FAM193B: variants seen among roughly 807,000 people sequenced by gnomAD.
FAM193B encodes family with sequence similarity 193 member B, also known as protein FAM193B.
In FAM193B, 27 loss-of-function variants were observed where a neutral mutation model predicts 70.7. That is an observed-to-expected ratio of 0.38 (90% CI 0.28 to 0.53). The LOEUF (loss-of-function observed/expected upper bound fraction) is 0.53. FAM193B is among the 20% of genes least tolerant of loss of function. The pLI, the probability that FAM193B is intolerant of heterozygous loss-of-function variation, is 0.81. For synonymous variants in FAM193B, 448 were observed against 436.0 expected, an observed-to-expected ratio of 1.03 and a Z score of -0.34; for missense variants, 1,022 against 1,072.5, an observed-to-expected ratio of 0.95 and a Z score of 0.66.
At chr5:177,526,328 G>C (rs1411861099) in intron 5 of FAM193B, among the ~76,000 whole-genome samples, 5 of 152,222 alleles carry the variant, frequency 3.3e-5, no homozygotes, top group Non-Finnish European at 7.3e-5. Context: ...GAGGACAGCT[G>C]AGAGTCTGTG....
Position 177,538,067 on chromosome 5 carries a change from C to T in FAM193B, c.494G>A (p.Gly165Glu), listed in dbSNP as rs772554181. ...SHTSCKSQSC[G>E]DDSHSSSSSS... ...AGACGAGGACGAATGAGAGTCATCTCCACAAGACTGTGATTTGCAGGATGT... is the reference window on the plus strand; with the variant it reads ...AGACGAGGACGAATGAGAGTCATCTTCACAAGACTGTGATTTGCAGGATGT... Residue 165 changes from glycine to glutamate, a missense_variant, in exon 3 of 9, where the codon GGA becomes GAA. Transcript: ENST00000514747. The surrounding 1 kb of genome is among the most constrained non-coding windows in gnomAD (Gnocchi z 4.1). 16 of 1,550,986 alleles carry T rather than the reference C, an allele frequency of 1.0e-5. No individual in the cohort carries two copies. In the South Asian group the frequency reaches 1.9e-4, roughly 18 times the overall value.
chr5:177,535,325 G>A (rs1268100441), intron 4 of FAM193B, among the ~76,000 whole-genome samples: 3 of 152,226 alleles, frequency 2.0e-5, no homozygotes, highest in Admixed American at 6.5e-5. Context: ...AGTGAAAACC[G>A]GCGGGTGGCA....
At position 177,538,912 on chromosome 5, in the gene FAM193B, G is replaced by A. The variant is rs370495867; in HGVS notation, c.446C>T (p.Ala149Val). The A allele has an allele frequency of 1.9e-6, 3 of 1,613,976 alleles. No homozygotes were observed. Among genetic ancestry groups the A allele is most frequent in the Non-Finnish European group, 2.5e-6 (3 of 1,179,846 alleles). Residue 149 changes from alanine to valine, a missense_variant, in exon 2 of 9, where the codon GCA becomes GTA. By Grantham distance (64) the Ala-to-Val change is moderately conservative. Coordinates refer to ENST00000514747, the MANE Select transcript of FAM193B (RefSeq NM_001190946.3). This position sits in a 1 kb window ranked among gnomAD's most constrained non-coding sequence, Gnocchi z 4.1. ...CTGTCAGCGGTTACCTACCGCCACT[G>A]CATGTTCTCGACCTGTCTGCCTTTC... ...EDERQTGREH[A>V]VAISLSHTSC...
intron 8 of FAM193B, among the ~76,000 whole-genome samples, chr5:177,521,433 G>A (rs1217497302): frequency 2.0e-5 from 3 of 152,224 alleles, no homozygotes; most frequent in Non-Finnish European, 4.4e-5. Context: ...TATCCTCATG[G>A]AGCTTGCCCT....
chr5:177,554,154 G>A, intron 1 of FAM193B, 95 bp downstream of exon 1: 2 of 1,448,610 alleles, frequency 1.4e-6, no homozygotes, highest in East Asian at 3.0e-5. Context: ...CCCAGCCGCG[G>A]CAGGATGGCC....
Position 177,536,398 on chromosome 5 carries a change from G to C in FAM193B, c.1036C>G (p.Leu346Val), listed in dbSNP as rs1170143347. Residue 346 changes from leucine to valine, a missense_variant, in exon 4 of 9, where the codon CTC (leucine) becomes GTC (valine). By Grantham distance (32) the Leu-to-Val change is conservative. Transcript: ENST00000514747. ...HCGGHCSGPL[L>V]PPPSSQPLPS... ...AGTGGCTGAGAGCTCGGGGGTGGGA[G>C]GAGAGGCCCACTGCAGTGCCCACCA... The C allele has an allele frequency of 2.5e-6, 4 of 1,609,270 alleles. No individual in the cohort carries two copies. In the African/African-American group the frequency reaches 5.3e-5, roughly 22 times the overall value.
At position 177,524,389 on chromosome 5, in the gene FAM193B, GCCGGCTCCC is replaced by G. The variant is rs368000880; in HGVS notation, c.2083_2091del (p.Gly695_Arg697del). Reference sequence around the variant, plus strand: ...GGACTGCCAGCCCAACCTGGTCCTGGCCGGCTCCCCCGGCTCCCCTCTCCAGCCTCAGCA... The same window carrying G: ...GGACTGCCAGCCCAACCTGGTCCTGGCCGGCTCCCCTCTCCAGCCTCAGCA... On this transcript the variant is annotated inframe_deletion, in exon 6 of 9. Coordinates refer to ENST00000514747, the MANE Select transcript of FAM193B (RefSeq NM_001190946.3). 3.4e-5 allele frequency: 53 copies of G among 1,573,824 alleles called. No individual in the cohort carries two copies. In the African/African-American group the frequency reaches 6.1e-4, roughly 18 times the overall value.
chr5:177,524,762 G>A lies in FAM193B; in HGVS notation c.1719C>T (p.Pro573=). 3 of 1,531,182 alleles carry A rather than the reference G, an allele frequency of 2.0e-6. No homozygotes were observed. The South Asian group carries it at 3.9e-5, about 20-fold the overall frequency. The allele number at this position is 1,531,182 out of a possible 1,614,324, so 94.8% of individuals were successfully genotyped here. Reference sequence around the variant, plus strand: ...CGTTCTCGGGGACGATACCGGGAGGGGGCCCCCTCACCTCTGTCCATGGTG... The same window carrying A: ...CGTTCTCGGGGACGATACCGGGAGGAGGCCCCCTCACCTCTGTCCATGGTG... ...PHPPWTEVRG[P]PPGIVPENGL... Residue 573 remains proline (P), a synonymous_variant, in exon 6 of 9, where the codon CCC becomes CCT. Transcript: ENST00000514747.
intron 1 of FAM193B, 56 bp downstream of exon 1, chr5:177,554,193 C>T (rs764442118): frequency 1.4e-6 from 2 of 1,480,202 alleles, no homozygotes; most frequent in African/African-American, 2.9e-5. Context: ...ACTCCCGCTC[C>T]CGCTCGGGGA....
chr5:177,534,248 G>T lies in FAM193B; in HGVS notation c.1077-1607C>A, dbSNP rs371438879. Reference sequence around the variant, plus strand: ...TTATCAGTGGTGCTTACAGAAGTTTGTTCTAAACCAACCATTCATTATCTA... The same window carrying T: ...TTATCAGTGGTGCTTACAGAAGTTTTTTCTAAACCAACCATTCATTATCTA... On this transcript the variant is annotated intron_variant, in intron 4 of 8. Transcript: ENST00000514747. Among the ~76,000 whole-genome samples, 29 of 151,080 alleles carry T rather than the reference G, an allele frequency of 1.9e-4. No individual in the cohort carries two copies. The East Asian group carries it at 4.3e-3, about 22-fold the overall frequency.
intron 1 of FAM193B, among the ~76,000 whole-genome samples, chr5:177,552,973 G>A (rs564487532): frequency 2.0e-5 from 3 of 152,276 alleles, no homozygotes; most frequent in African/African-American, 7.2e-5. Flanking sequence ...GAGAAAGATG[G>A]CATAGCCTGT....
intron 1 of FAM193B, among the ~76,000 whole-genome samples, chr5:177,547,517 C>A (rs928003549): frequency 2.0e-5 from 3 of 151,306 alleles, no homozygotes; most frequent in Non-Finnish European, 1.5e-5. Flanking sequence ...ATCTCCTGAC[C>A]TCGTGATCCT....
rs892752804 is a variant in FAM193B, at chr5:177,554,487, A to ACACGC, written c.-34_-30dup. ...GCCGCTCGCGCCGCTCCCTCGCTCC[A>ACACGC]CACGCCGCCGCCGCCGCCGCCGCCG... On this transcript the variant is annotated 5_prime_UTR_variant, in exon 1 of 9. Coordinates refer to ENST00000514747, the MANE Select transcript of FAM193B (RefSeq NM_001190946.3). 1.7e-6 allele frequency: 1 copy of ACACGC among 580,772 alleles called. No individual in the cohort carries two copies. The highest frequency in any genetic ancestry group is 7.8e-5 in the African/African-American group (1 of 12,752). The allele number at this position is 580,772 out of a possible 1,614,324, so 36.0% of individuals were successfully genotyped here. A position where few individuals can be genotyped will look rare whatever the true frequency, so the allele number is the denominator to read the frequency against.
At chr5:177,548,123 C>A (rs1765699011) in intron 1 of FAM193B, among the ~76,000 whole-genome samples, 2 of 152,168 alleles carry the variant, frequency 1.3e-5, no homozygotes, top group African/African-American at 4.8e-5. Flanking sequence ...TAGGCTCGAT[C>A]TGGGTGTTAC....
At chr5:177,552,724 C>T (rs1766439142) in intron 1 of FAM193B, among the ~76,000 whole-genome samples, 2 of 152,166 alleles carry the variant, frequency 1.3e-5, no homozygotes, top group Admixed American at 6.5e-5. Flanking sequence ...GAGTCTCCTA[C>T]GGAAGTGTCA....
intron 5 of FAM193B, among the ~76,000 whole-genome samples, chr5:177,530,093 C>T (rs1376610311): frequency 1.3e-5 from 2 of 152,128 alleles, no homozygotes; most frequent in Non-Finnish European, 2.9e-5. Flanking sequence ...TGTCACTGTG[C>T]AGATGCAGTT....
At chr5:177,529,576 T>C (rs1763145550) in intron 5 of FAM193B, among the ~76,000 whole-genome samples, 1 of 151,888 alleles carries the variant, frequency 6.6e-6, no homozygotes, top group Non-Finnish European at 1.5e-5. Context: ...CCTCCAGATA[T>C]ATGAGGTAGG....
intron 1 of FAM193B, among the ~76,000 whole-genome samples, chr5:177,544,530 T>C (rs1052143481): frequency 1.3e-5 from 2 of 152,198 alleles, no homozygotes; most frequent in Non-Finnish European, 2.9e-5. Flanking sequence ...GGAAAACAAC[T>C]GACAGTATTT....
chr5:177,525,530 C>A (rs1286254724), intron 5 of FAM193B: 5 of 246,432 alleles, frequency 2.0e-5, no homozygotes, highest in Admixed American at 5.6e-5. Context: ...GTGAAGACCA[C>A]TACTAGAGAG....
Sources: allele counts gnomAD v4.1 joint callset (sites outside exome capture counted in the v4.1 genomes callset), GRCh38; gene constraint gnomAD v4.1.1; non-coding constraint Gnocchi (gnomAD v3.1); transcripts MANE v1.5; gene names NCBI Gene and HGNC (gene_info 2026-07-23, HGNC 2026-07-21).